The following CFAP57 variants were observed in gnomAD, a reference collection of about 807,000 sequenced individuals.
CFAP57 encodes cilia- and flagella-associated protein 57.
A neutral mutation model predicts 146.8 loss-of-function variants in CFAP57; 116 were observed. The ratio of observed to expected loss-of-function variants is 0.79; its 90% confidence interval spans 0.68 to 0.92. The LOEUF (loss-of-function observed/expected upper bound fraction) is 0.92, where lower values mean the gene tolerates loss of function less well. CFAP57 is among the 40% of genes least tolerant of loss of function. The probability of loss-of-function intolerance (pLI) is 0.00; values close to 1 mark genes in which losing one functional copy is unlikely to be tolerated. For synonymous variants in CFAP57, 518 were observed against 552.8 expected (o/e 0.94, Z 0.88); for missense variants, 1,377 against 1,527.2 (o/e 0.90, Z 1.64).
At chr1:43,197,939 C>T (rs578092842) in intron 7 of CFAP57, among the ~76,000 whole-genome samples, 13 of 152,260 alleles carry the variant, frequency 8.5e-5, no homozygotes, top group African/African-American at 2.9e-4. Context: ...GAAGACAACA[C>T]CTCAGTCTCT....
At chr1:43,229,923 G>T (rs1323188388) in intron 18 of CFAP57, among the ~76,000 whole-genome samples, 7 of 152,156 alleles carry the variant, frequency 4.6e-5, no homozygotes, top group Non-Finnish European at 7.4e-5. Flanking sequence ...CTACCCTCCT[G>T]CCTGAGCCCC....
intron 16 of CFAP57, 145 bp downstream of exon 16, chr1:43,223,142 C>A: frequency 1.1e-6 from 1 of 892,948 alleles, no homozygotes; most frequent in Non-Finnish European, 1.7e-6. Flanking sequence ...AGAGCACCAG[C>A]CAGTGCACCC....
intron 2 of CFAP57, among the ~76,000 whole-genome samples, chr1:43,173,997 T>G (rs1400394316): frequency 6.6e-6 from 1 of 152,248 alleles, no homozygotes; most frequent in Non-Finnish European, 1.5e-5. Flanking sequence ...GTTTGCATTT[T>G]GCTATCATTA....
chr1:43,214,110 T>C (rs1418587060), intron 11 of CFAP57, among the ~76,000 whole-genome samples: 1 of 152,120 alleles, frequency 6.6e-6, no homozygotes, highest in Non-Finnish European at 1.5e-5. Context: ...GGTCTCAAAC[T>C]CCTGACCTCA....
chr1:43,184,590 T>G (rs1434135955), intron 4 of CFAP57, among the ~76,000 whole-genome samples: 1 of 152,150 alleles, frequency 6.6e-6, no homozygotes, highest in Non-Finnish European at 1.5e-5. Context: ...ATCATTCCGC[T>G]GATAAGTGGC....
chr1:43,174,095 T>G (rs770363837), intron 2 of CFAP57, among the ~76,000 whole-genome samples: 13 of 152,238 alleles, frequency 8.5e-5, no homozygotes, highest in Non-Finnish European at 1.3e-4. Flanking sequence ...TTTTACAGTT[T>G]GTTGTGCAGG....
At chr1:43,221,168 G>A (rs1170356138) in intron 13 of CFAP57, among the ~76,000 whole-genome samples, 1 of 152,160 alleles carries the variant, frequency 6.6e-6, no homozygotes, top group East Asian at 1.9e-4. Flanking sequence ...ATAGAAATAG[G>A]AACAGTATAG....
chr1:43,173,561 T>C (rs201523110), intron 2 of CFAP57, among the ~76,000 whole-genome samples: 1 of 152,248 alleles, frequency 6.6e-6, no homozygotes, highest in East Asian at 1.9e-4. Context: ...CCAGTTCTAG[T>C]GCTTCTCCCT....
intron 13 of CFAP57, among the ~76,000 whole-genome samples, chr1:43,220,456 G>A (rs1645000952): frequency 6.6e-6 from 1 of 152,168 alleles, no homozygotes. Flanking sequence ...TGGGCAAGGT[G>A]GCTCACCCCT....
chr1:43,247,551 T>G (rs1246068805), intron 22 of CFAP57, among the ~76,000 whole-genome samples: 1 of 152,216 alleles, frequency 6.6e-6, no homozygotes, highest in African/African-American at 2.4e-5. Context: ...TTAACTGTAT[T>G]AAAAAAGAAC....
intron 22 of CFAP57, among the ~76,000 whole-genome samples, chr1:43,252,769 CA>C (rs1408761657): frequency 2.6e-5 from 4 of 152,026 alleles, no homozygotes; most frequent in Non-Finnish European, 5.9e-5. Flanking sequence ...ATTGCATAGG[CA>C]GATTTGAAAA....
rs113566578 is a variant in CFAP57 at position 43,244,861 on chromosome 1, C to T, written c.3538+1502C>T. Among the ~76,000 whole-genome samples, 40 of 152,124 alleles carry T rather than the reference C, an allele frequency of 2.6e-4. 2 individuals carry two copies. Among genetic ancestry groups the T allele is most frequent in the African/African-American group, 9.4e-4 (39 of 41,480 alleles). On this transcript the variant is annotated intron_variant, in intron 22 of 22. Coordinates refer to ENST00000372492, the MANE Select transcript of CFAP57 (RefSeq NM_001378189.1). Reference sequence around the variant, plus strand: ...GAGGTTGCAGTGAGCTCAGATTGCACTACCGCACTCCAGCCTGGACAACAG... The same window carrying T: ...GAGGTTGCAGTGAGCTCAGATTGCATTACCGCACTCCAGCCTGGACAACAG...
chr1:43,193,707 T>A (rs1205194502), intron 6 of CFAP57, among the ~76,000 whole-genome samples: 1 of 151,904 alleles, frequency 6.6e-6, no homozygotes, highest in Non-Finnish European at 1.5e-5. Flanking sequence ...CAATGACATA[T>A]TCTTATAATT....
intron 10 of CFAP57, among the ~76,000 whole-genome samples, chr1:43,207,761 C>CTGGT (rs1214648699): frequency 6.6e-6 from 1 of 152,224 alleles, no homozygotes; most frequent in Non-Finnish European, 1.5e-5. Flanking sequence ...GCTCCTCCAG[C>CTGGT]TGGTTCCTCC....
At chr1:43,211,043 T>A (rs898272771) in intron 11 of CFAP57, among the ~76,000 whole-genome samples, 3 of 152,046 alleles carry the variant, frequency 2.0e-5, no homozygotes, top group African/African-American at 7.2e-5. Flanking sequence ...GCAGATTGAA[T>A]GACACAGCAC....
Position 43,221,436 on chromosome 1 carries a change from A to G in CFAP57, c.2312A>G (p.Asp771Gly). 1.9e-6 allele frequency: 3 copies of G among 1,540,602 alleles called. No homozygotes were observed. Among genetic ancestry groups the G allele is most frequent in the Non-Finnish European group, 2.6e-6 (3 of 1,141,920 alleles). ...YHHEHIEDLL[D>G]KQSRELQDME... ...CATGAGCACATAGAAGACCTCCTAG[A>G]CAAGCAAAGCCGGGAACTGCAGGAC... is the stretch of plus-strand genomic sequence containing the variant. Residue 771 changes from aspartate (D) to glycine (G), a missense_variant, in exon 14 of 23, where the codon GAC becomes GGC. Transcript: ENST00000372492.
At position 43,185,132 on chromosome 1, in the gene CFAP57, T is replaced by C; in HGVS notation, c.762-17T>C. 1 of 1,613,324 alleles carries C rather than the reference T, an allele frequency of 6.2e-7. No homozygotes were observed. Among genetic ancestry groups the C allele is most frequent in the Non-Finnish European group, 8.5e-7 (1 of 1,179,386 alleles). On this transcript the variant is annotated splice_polypyrimidine_tract_variant and intron_variant, in intron 4 of 22. Transcript: ENST00000372492. ...GATTGTCTCTATAAATTATGTATGC[T>C]GTTTTTTTGTTTCCAGCCTGATTGA...
chr1:43,206,732 G>A lies in CFAP57; in HGVS notation c.1555G>A (p.Val519Met). 3 of 1,614,026 alleles carry A rather than the reference G, an allele frequency of 1.9e-6. No individual in the cohort carries two copies. Among genetic ancestry groups the A allele is most frequent in the Non-Finnish European group, 2.5e-6 (3 of 1,180,024 alleles). ...TCCTCTCCTGCAGATTCGCTCAATT[G>A]TGTGGAATGCAGATGATAGCAAACT... ...KGHTGKIRSIVWNADDSKLIS... is the reference protein window; with the variant it reads ...KGHTGKIRSIMWNADDSKLIS... The change falls in exon 10 of 23, where the codon GTG (valine) becomes ATG (methionine). Residue 519 changes from valine (V) to methionine (M), a missense_variant. Transcript: ENST00000372492.
At chr1:43,246,845 C>T (rs981904870) in intron 22 of CFAP57, among the ~76,000 whole-genome samples, 1 of 152,170 alleles carries the variant, frequency 6.6e-6, no homozygotes, top group Non-Finnish European at 1.5e-5. Context: ...TTAAAAATTA[C>T]TAGAAAGTCT....
Sources: allele counts gnomAD v4.1 joint callset (sites outside exome capture counted in the v4.1 genomes callset), GRCh38; gene constraint gnomAD v4.1.1; transcripts MANE v1.5; gene names NCBI Gene and HGNC (gene_info 2026-07-23, HGNC 2026-07-21).